EFHB: variants seen among roughly 807,000 people sequenced by gnomAD.
EFHB encodes the protein EF-hand domain-containing family member B.
In EFHB, 91 loss-of-function variants were observed where a neutral mutation model predicts 87.2. The ratio of observed to expected loss-of-function variants is 1.04; its 90% CI spans 0.88 to 1.24. EFHB has a LOEUF of 1.24. Among genes scored for constraint, EFHB ranks in the 50% most tolerant of loss-of-function variants. EFHB has a pLI of 0.00. For synonymous variants in EFHB, 325 were observed against 333.6 expected, an observed-to-expected ratio of 0.97 and a Z score of 0.28; for missense variants, 1,084 against 998.8, an observed-to-expected ratio of 1.09 and a Z score of -1.15.
At chr3:19,939,974 C>G (rs1478572727) in intron 1 of EFHB, among the ~76,000 whole-genome samples, 1 of 152,126 alleles carries the variant, frequency 6.6e-6, no homozygotes, top group East Asian at 1.9e-4. Context: ...GCCCACTGCC[C>G]CTATTGACTC....
chr3:19,882,827 G>A (rs2071714565), intron 11 of EFHB, 96 bp from the exon 12 acceptor site: 1 of 1,116,806 alleles, frequency 9.0e-7, no homozygotes, highest in South Asian at 3.3e-5. Context: ...CACTTAAAAT[G>A]TAGCTAGGAA....
chr3:19,899,634 CAAAA>C, intron 6 of EFHB, 119 bp from the exon 7 acceptor site: 2 of 573,038 alleles, frequency 3.5e-6, no homozygotes, highest in Non-Finnish European at 5.6e-6. Flanking sequence ...AATGTAGTTT[CAAAA>C]GAAACTCTCT....
intron 9 of EFHB, chr3:19,895,073 A>G (rs188056287): frequency 2.0e-5 from 3 of 147,994 alleles, no homozygotes; most frequent in Non-Finnish European, 4.5e-5. Flanking sequence ...ATAAATATAT[A>G]CATAATTTAT....
At chr3:19,941,820 G>A (rs1394282635) in intron 1 of EFHB, among the ~76,000 whole-genome samples, 2 of 142,892 alleles carry the variant, frequency 1.4e-5, no homozygotes, top group Non-Finnish European at 3.0e-5. Context: ...TTGCGCCACT[G>A]CACTCCAGCA....
At chr3:19,904,308 T>C (rs1187088318) in intron 6 of EFHB, among the ~76,000 whole-genome samples, 1 of 152,188 alleles carries the variant, frequency 6.6e-6, no homozygotes, top group African/African-American at 2.4e-5. Flanking sequence ...AAGTCTGAAA[T>C]CAAAGTGTCA....
upstream of EFHB, chr3:19,936,381 C>T (rs1295456672): frequency 3.8e-6 from 2 of 521,360 alleles, no homozygotes; most frequent in African/African-American, 4.0e-5. Flanking sequence ...ATGGGTAACA[C>T]AGTGAGACCT....
intron 6 of EFHB, among the ~76,000 whole-genome samples, chr3:19,903,690 T>C (rs558143121): frequency 1.2e-3 from 186 of 152,260 alleles, no homozygotes; most frequent in African/African-American, 4.3e-3. Context: ...ACCATCCTTA[T>C]TTTGAATAAT....
At chr3:19,936,290 C>A, upstream of EFHB, 1 of 630,776 alleles carries the variant, frequency 1.6e-6, no homozygotes, top group South Asian at 1.7e-5. Context: ...GTCTATGCGG[C>A]AGTGAGCCAT....
rs750892844 is a variant in EFHB at position 19,882,702 on chromosome 3, G to A, written c.2176C>T (p.Arg726Ter). The change falls in exon 12 of 13, where the codon CGA becomes TGA. Residue 726 changes from arginine (R) to a stop codon, truncating the protein, a stop_gained. Transcript: ENST00000295824. LOFTEE classifies it high-confidence loss of function. ...CYPICGVPTI[R>*]SDIPAPRIRR... ...ATTCGGGGAGCAGGAATGTCAGATC[G>A]AATGGTTGGAACACCACAAATGGGG... is the stretch of plus-strand genomic sequence containing the variant. 3.1e-6 allele frequency: 5 copies of A among 1,613,390 alleles called. No individual in the cohort carries two copies. The highest frequency in any genetic ancestry group is 1.1e-5 in the South Asian group (1 of 91,008).
chr3:19,926,325 G>T (rs1350812159), intron 1 of EFHB, among the ~76,000 whole-genome samples: 1 of 83,270 alleles, frequency 1.2e-5, no homozygotes, highest in African/African-American at 3.7e-5. Context: ...TGGGTTTTTT[G>T]GTTTTTTTGG....
chr3:19,926,369 A>T (rs977281388), intron 1 of EFHB, among the ~76,000 whole-genome samples: 1 of 150,964 alleles, frequency 6.6e-6, no homozygotes, highest in African/African-American at 2.4e-5. Flanking sequence ...TTTAAAATTT[A>T]TTTATTTATT....
chr3:19,913,241 G>A (rs1695121349), intron 5 of EFHB, among the ~76,000 whole-genome samples: 1 of 152,054 alleles, frequency 6.6e-6, no homozygotes, highest in Non-Finnish European at 1.5e-5. Flanking sequence ...ATGCAAATTG[G>A]AAAGAAAGAG....
intron 9 of EFHB, among the ~76,000 whole-genome samples, chr3:19,889,288 C>G (rs1249100801): frequency 6.6e-6 from 1 of 152,154 alleles, no homozygotes; most frequent in South Asian, 2.1e-4. Flanking sequence ...ACACAATGTT[C>G]GTTAAGGAAG....
chr3:19,932,363 A>G (rs1247233898), intron 1 of EFHB, among the ~76,000 whole-genome samples: 1 of 152,152 alleles, frequency 6.6e-6, no homozygotes, highest in Non-Finnish European at 1.5e-5. Flanking sequence ...TTGATACTGT[A>G]TCCATATGTT....
intron 1 of EFHB, among the ~76,000 whole-genome samples, chr3:19,943,494 A>G (rs1017206299): frequency 6.6e-6 from 1 of 152,154 alleles, no homozygotes; most frequent in Non-Finnish European, 1.5e-5. Context: ...GTCCCTCCCT[A>G]TTTTGTGTCA....
intron 12 of EFHB, 109 bp downstream of exon 12, chr3:19,882,441 G>C: frequency 9.8e-7 from 1 of 1,021,660 alleles, no homozygotes; most frequent in Non-Finnish European, 1.3e-6. Flanking sequence ...TCCTATACTT[G>C]GGGATCCTGT....
chr3:19,936,219 T>C, upstream of EFHB: 1 of 881,580 alleles, frequency 1.1e-6, no homozygotes, highest in Non-Finnish European at 1.8e-6. Flanking sequence ...GCGTGGTGGC[T>C]CACATCTGTA....
In EFHB at chr3:19,944,901, A is replaced by G. The variant is rs542798116; in HGVS notation, c.-32+2018T>C. On this transcript the variant is annotated intron_variant, in intron 1 of 14. Coordinates refer to the EFHB transcript ENST00000344838. ...GAAATGATGAATAACTGATGGTCAC[A>G]GCCCTTAAAAACCTTATAATTCAAT... 1.6e-4 allele frequency among the ~76,000 whole-genome samples: 25 copies of G among 152,368 alleles called. No homozygotes were observed. In the South Asian group the frequency reaches 3.7e-3, roughly 23 times the overall value.
intron 5 of EFHB, among the ~76,000 whole-genome samples, chr3:19,911,099 T>A (rs566571435): frequency 6.6e-6 from 1 of 152,228 alleles, no homozygotes; most frequent in South Asian, 2.1e-4. Context: ...CTAAATAAAC[T>A]AAATAAGACA....
Sources: gnomAD v4.1 joint callset for allele counts (sites outside exome capture counted in the v4.1 genomes callset) on GRCh38, gnomAD v4.1.1 for gene constraint, MANE v1.5 for transcripts, NCBI Gene and HGNC (gene_info 2026-07-23, HGNC 2026-07-21) for gene names.